Variants in PIBF1 observed in about 807,000 individuals in gnomAD.
The protein encoded by PIBF1 is progesterone-induced-blocking factor 1.
PIBF1 carries 90 observed loss-of-function variants against 112.5 expected under a neutral mutation model. The ratio of observed to expected loss-of-function variants is 0.80; its 90% CI spans 0.67 to 0.95. The LOEUF is 0.95. Among genes scored for constraint, PIBF1 ranks in the 40% least tolerant of loss-of-function variants. The probability of loss-of-function intolerance (pLI) is 0.00; values close to 1 mark genes in which losing one functional copy is unlikely to be tolerated. For synonymous variants in PIBF1, 301 were observed against 288.6 expected, an observed-to-expected ratio of 1.04 and a Z score of -0.44; for missense variants, 915 against 852.3, an observed-to-expected ratio of 1.07 and a Z score of -0.92.
chr13:72,819,100 G>A (rs1454690213), intron 5 of PIBF1, among the ~76,000 whole-genome samples: 1 of 152,080 alleles, frequency 6.6e-6, no homozygotes, highest in Non-Finnish European at 1.5e-5. Context: ...TGTTTATAAT[G>A]GAAAGAGTCT....
At chr13:72,966,772 G>T (rs2042751178) in intron 15 of PIBF1, among the ~76,000 whole-genome samples, 1 of 151,984 alleles carries the variant, frequency 6.6e-6, no homozygotes, top group Non-Finnish European at 1.5e-5. Context: ...AGCTGAGCAT[G>T]GTGATGCATG....
chr13:72,973,355 A>C (rs1299770948), intron 15 of PIBF1, among the ~76,000 whole-genome samples: 1 of 152,002 alleles, frequency 6.6e-6, no homozygotes, highest in Non-Finnish European at 1.5e-5. Flanking sequence ...AAAAGAAAAG[A>C]GGAGAGGGAA....
chr13:72,833,724 G>A (rs1690617873), intron 8 of PIBF1, among the ~76,000 whole-genome samples: 1 of 152,082 alleles, frequency 6.6e-6, no homozygotes, highest in African/African-American at 2.4e-5. Flanking sequence ...GATACACGGG[G>A]GTCAGGGACC....
intron 14 of PIBF1, among the ~76,000 whole-genome samples, chr13:72,944,876 C>T (rs1015670799): frequency 2.6e-5 from 4 of 152,088 alleles, no homozygotes; most frequent in Non-Finnish European, 5.9e-5. Flanking sequence ...AAGCGATTCT[C>T]CTGCCTCAGC....
intron 10 of PIBF1, among the ~76,000 whole-genome samples, chr13:72,867,110 C>A (rs1041070736): frequency 6.6e-6 from 1 of 152,128 alleles, no homozygotes; most frequent in African/African-American, 2.4e-5. Flanking sequence ...TGGGAGGGAC[C>A]AGGTGGAAGA....
At chr13:72,924,511 C>T (rs1438588531) in intron 13 of PIBF1, among the ~76,000 whole-genome samples, 1 of 152,044 alleles carries the variant, frequency 6.6e-6, no homozygotes, top group Non-Finnish European at 1.5e-5. Context: ...CACCTGAGCC[C>T]AGGAGTTTGA....
chr13:72,834,050 T>A (rs745402972), intron 8 of PIBF1, among the ~76,000 whole-genome samples: 9 of 152,220 alleles, frequency 5.9e-5, no homozygotes, highest in Non-Finnish European at 7.3e-5. Context: ...TTTTTTAAAT[T>A]CCTATGACTA....
At chr13:72,791,512 T>C (rs967469666) in intron 2 of PIBF1, among the ~76,000 whole-genome samples, 5 of 152,236 alleles carry the variant, frequency 3.3e-5, no homozygotes, top group African/African-American at 4.8e-5. Flanking sequence ...AAATGGAGTT[T>C]CCTTTTAAGC....
At position 72,827,081 on chromosome 13, in the gene PIBF1, T is replaced by G. The variant is rs755112238; in HGVS notation, c.878T>G (p.Met293Arg). 1 of 1,603,240 alleles carries G rather than the reference T, an allele frequency of 6.2e-7. No individual in the cohort carries two copies. The highest frequency in any genetic ancestry group is 1.7e-5 in the Admixed American group (1 of 58,726). ...RKHEILEASH[M>R]IQTKERSELS... ...CATGAAATACTTGAAGCCTCTCACA[T>G]GATTCAAACAAAAGAACGAAGTGAA... The change falls in exon 7 of 18, where the codon ATG becomes AGG. Residue 293 changes from methionine (M) to arginine (R), a missense_variant. Met to Arg is a moderately conservative substitution (Grantham distance 91, BLOSUM62 -1). Coordinates refer to ENST00000326291, the MANE Select transcript of PIBF1 (RefSeq NM_006346.4).
intron 11 of PIBF1, among the ~76,000 whole-genome samples, chr13:72,904,440 T>C (rs1304496905): frequency 2.8e-5 from 3 of 106,928 alleles, no homozygotes; most frequent in Non-Finnish European, 5.6e-5. Flanking sequence ...TTTCTTTTTT[T>C]TTTTTTTTTT....
chr13:72,916,982 C>A, intron 12 of PIBF1, 94 bp from the exon 13 acceptor site: 2 of 699,500 alleles, frequency 2.9e-6, no homozygotes, highest in Non-Finnish European at 4.6e-6. Context: ...TTTATCCTCC[C>A]TAATTTGTTA....
chr13:72,785,871 C>T (rs2034572579), intron 2 of PIBF1, among the ~76,000 whole-genome samples: 1 of 152,124 alleles, frequency 6.6e-6, no homozygotes, highest in African/African-American at 2.4e-5. Flanking sequence ...CTTGCATTGT[C>T]CTTGGTTGTC....
chr13:72,879,753 G>A (rs897336396), intron 10 of PIBF1, among the ~76,000 whole-genome samples: 1 of 152,128 alleles, frequency 6.6e-6, no homozygotes, highest in African/African-American at 2.4e-5. Flanking sequence ...TGGACAGCCT[G>A]CAAGCTAAGA....
At chr13:72,823,861 C>A (rs1011694478) in intron 6 of PIBF1, among the ~76,000 whole-genome samples, 1 of 151,948 alleles carries the variant, frequency 6.6e-6, no homozygotes, top group Non-Finnish European at 1.5e-5. Flanking sequence ...TCTAAGAAGT[C>A]TTGATCTCTT....
intron 10 of PIBF1, among the ~76,000 whole-genome samples, chr13:72,863,073 T>G (rs1165109301): frequency 6.6e-6 from 1 of 152,196 alleles, no homozygotes; most frequent in South Asian, 2.1e-4. Flanking sequence ...TCAATAGTTT[T>G]ATGAAGAAAT....
rs1315201844 is a variant in PIBF1, at chr13:72,798,007, A to G, written c.653A>G (p.Gln218Arg). Residue 218 changes from glutamine (Q) to arginine (R), a missense_variant, in exon 5 of 18, where the codon CAA becomes CGA. Physicochemically the swap from Gln to Arg is conservative, Grantham distance 43 (BLOSUM62 1). Coordinates refer to ENST00000326291, the MANE Select transcript of PIBF1 (RefSeq NM_006346.4). ...GAAGAATTAAGTACAAACAAAAACC[A>G]ACTGAAGCAGCTGACAGAGGTTTGT... is the stretch of plus-strand genomic sequence containing the variant. ...LAEELSTNKN[Q>R]LKQLTETYEE... 2 of 1,604,900 alleles carry G rather than the reference A, an allele frequency of 1.2e-6. No homozygotes were observed. The highest frequency in any genetic ancestry group is 8.5e-7 in the Non-Finnish European group (1 of 1,177,068).
chr13:72,881,251 C>T (rs1021068139), intron 10 of PIBF1: 3 of 151,940 alleles, frequency 2.0e-5, no homozygotes, highest in African/African-American at 7.3e-5. Flanking sequence ...CCTAAAGACT[C>T]CACCAAAAAA....
chr13:72,869,404 G>A (rs1357186333), intron 10 of PIBF1, among the ~76,000 whole-genome samples: 12 of 145,092 alleles, frequency 8.3e-5, no homozygotes, highest in African/African-American at 2.8e-4. Context: ...CTCATGGATG[G>A]GAATTGAACA....
intron 15 of PIBF1, among the ~76,000 whole-genome samples, chr13:72,966,784 C>A (rs183415658): frequency 6.6e-6 from 1 of 152,128 alleles, no homozygotes; most frequent in East Asian, 2.0e-4. Context: ...TGATGCATGC[C>A]TGTAGTCCCA....
Sources: gnomAD v4.1 joint callset for allele counts (sites outside exome capture counted in the v4.1 genomes callset) on GRCh38, gnomAD v4.1.1 for gene constraint, MANE v1.5 for transcripts, NCBI Gene and HGNC (gene_info 2026-07-23, HGNC 2026-07-21) for gene names.